Variants in FUT9 observed in about 807,000 individuals in gnomAD.
The protein encoded by FUT9 is fucosyltransferase 9.
FUT9 carries 15 observed loss-of-function variants against 29.7 expected under a neutral mutation model. The observed-to-expected ratio is 0.51, with a 90% confidence interval of 0.34 to 0.78. The LOEUF is 0.78. Among genes scored for constraint, FUT9 ranks in the 30% least tolerant of loss-of-function variants. The pLI, the probability that FUT9 is intolerant of heterozygous loss-of-function variation, is 0.01. For missense variants in FUT9, 319 were observed against 425.4 expected (o/e 0.75, Z 2.20); for synonymous variants, 169 against 153.7 (o/e 1.10, Z -0.74).
chr6:96,093,366 AT>A (rs986150407), intron 1 of FUT9, among the ~76,000 whole-genome samples: 1 of 152,102 alleles, frequency 6.6e-6, no homozygotes, highest in Non-Finnish European at 1.5e-5. Flanking sequence ...CCACACTTTC[AT>A]TTATCTTTTC....
intron 1 of FUT9, among the ~76,000 whole-genome samples, chr6:96,025,693 A>G (rs1770155766): frequency 6.6e-6 from 1 of 151,590 alleles, no homozygotes. Flanking sequence ...GGAATATTTA[A>G]TAGGCCTGCA....
intron 2 of FUT9, among the ~76,000 whole-genome samples, chr6:96,136,139 T>C (rs1285931345): frequency 6.6e-6 from 1 of 151,712 alleles, no homozygotes; most frequent in Non-Finnish European, 1.5e-5. Flanking sequence ...GAGAAATATA[T>C]TGATGGGGTA....
At chr6:96,019,667 C>G (rs1770035870) in intron 1 of FUT9, among the ~76,000 whole-genome samples, 1 of 151,958 alleles carries the variant, frequency 6.6e-6, no homozygotes, top group African/African-American at 2.4e-5. Flanking sequence ...AATTAAAATT[C>G]CTAACAGAAA....
chr6:96,202,649 G>T (rs556378416), intron 2 of FUT9, among the ~76,000 whole-genome samples: 1 of 152,078 alleles, frequency 6.6e-6, no homozygotes, highest in African/African-American at 2.4e-5. Context: ...TTTATAACGA[G>T]AAAAACAAAA....
chr6:96,150,998 G>A (rs995978035), intron 2 of FUT9, among the ~76,000 whole-genome samples: 7 of 152,070 alleles, frequency 4.6e-5, no homozygotes, highest in African/African-American at 1.2e-4. Context: ...CTTTATCAAC[G>A]TGGCTACGGC....
chr6:96,168,355 C>T (rs895391305), intron 2 of FUT9, among the ~76,000 whole-genome samples: 18 of 152,106 alleles, frequency 1.2e-4, no homozygotes, highest in African/African-American at 4.3e-4. Flanking sequence ...GTACTAAGGT[C>T]TGGGACACCT....
chr6:96,098,851 T>C (rs2127956120), intron 1 of FUT9, among the ~76,000 whole-genome samples: 1 of 152,260 alleles, frequency 6.6e-6, no homozygotes, highest in Non-Finnish European at 1.5e-5. Context: ...TCCAGGGGAT[T>C]TAGATGAGGC....
At chr6:96,152,837 G>A (rs148039098) in intron 2 of FUT9, among the ~76,000 whole-genome samples, 264 of 152,294 alleles carry the variant, frequency 1.7e-3, no homozygotes, top group African/African-American at 6.0e-3. Flanking sequence ...GAAGAAAGTT[G>A]CTAAAAATGC....
intron 1 of FUT9, among the ~76,000 whole-genome samples, chr6:96,104,408 T>C (rs1009620426): frequency 4.6e-5 from 7 of 152,246 alleles, no homozygotes; most frequent in Non-Finnish European, 7.3e-5. Context: ...CATGTTAAGA[T>C]GAATTTAGAT....
chr6:96,140,055 G>A (rs550705163), intron 2 of FUT9, among the ~76,000 whole-genome samples: 23 of 151,954 alleles, frequency 1.5e-4, no homozygotes, highest in Admixed American at 2.6e-4. Context: ...ACTTCCTCTT[G>A]CATGCTTTGC....
intron 2 of FUT9, among the ~76,000 whole-genome samples, chr6:96,160,954 T>C (rs1291723409): frequency 6.6e-6 from 1 of 152,124 alleles, no homozygotes; most frequent in African/African-American, 2.4e-5. Flanking sequence ...TAAACTATGA[T>C]TTTGAAAACG....
intron 2 of FUT9, among the ~76,000 whole-genome samples, chr6:96,183,532 G>A (rs1773347886): frequency 6.6e-6 from 1 of 151,978 alleles, no homozygotes; most frequent in African/African-American, 2.4e-5. Flanking sequence ...GTTCTCAGAG[G>A]GAATGCTTTC....
At chr6:96,191,864 C>T (rs1357813990) in intron 2 of FUT9, among the ~76,000 whole-genome samples, 6 of 152,098 alleles carry the variant, frequency 3.9e-5, no homozygotes, top group African/African-American at 1.4e-4. Flanking sequence ...ATGACCAAGT[C>T]GGCTTCATCC....
At chr6:96,166,456 C>T (rs1257038921) in intron 2 of FUT9, among the ~76,000 whole-genome samples, 2 of 152,062 alleles carry the variant, frequency 1.3e-5, no homozygotes, top group African/African-American at 2.4e-5. Flanking sequence ...CTCACAGGAG[C>T]CACAAGTTTT....
At chr6:96,110,666 T>C (rs1031883802) in intron 1 of FUT9, among the ~76,000 whole-genome samples, 2 of 152,022 alleles carry the variant, frequency 1.3e-5, no homozygotes, top group Non-Finnish European at 2.9e-5. Context: ...AAGGCTTTTT[T>C]CCTATTGTGC....
intron 2 of FUT9, among the ~76,000 whole-genome samples, chr6:96,173,344 T>C: frequency 6.6e-6 from 1 of 152,088 alleles, no homozygotes; most frequent in Non-Finnish European, 1.5e-5. Flanking sequence ...TTGTCTGCCA[T>C]TCTCCACTAA....
intron 2 of FUT9, among the ~76,000 whole-genome samples, chr6:96,183,878 C>T (rs146910465): frequency 1.1e-4 from 17 of 152,014 alleles, no homozygotes; most frequent in African/African-American, 3.9e-4. Context: ...CATCTATGTT[C>T]TTCAGGGATA....
intron 2 of FUT9, among the ~76,000 whole-genome samples, chr6:96,175,647 T>C (rs893546015): frequency 3.9e-5 from 6 of 152,184 alleles, no homozygotes; most frequent in East Asian, 1.9e-4. Context: ...GAGCCTCAAA[T>C]ATTATGAAAA....
chr6:96,016,254 T>C (rs1033488478), intron 1 of FUT9, 42 bp downstream of exon 1: 1 of 152,444 alleles, frequency 6.6e-6, no homozygotes, highest in Non-Finnish European at 1.5e-5. Flanking sequence ...CGTCAAAGCT[T>C]GGCGCGGAGA....
Sources: allele counts gnomAD v4.1 joint callset (sites outside exome capture counted in the v4.1 genomes callset), GRCh38; gene constraint gnomAD v4.1.1; transcripts MANE v1.5; gene names NCBI Gene and HGNC (gene_info 2026-07-23, HGNC 2026-07-21).